HFM1: variants seen among roughly 807,000 people sequenced by gnomAD.
HFM1 encodes helicase for meiosis 1.
HFM1 carries 169 observed loss-of-function variants against 192.1 expected under a neutral mutation model. That is an observed-to-expected ratio of 0.88 (90% CI 0.78 to 1.00). The LOEUF is 1.00. Among genes scored for constraint, HFM1 ranks in the 50% least tolerant of loss-of-function variants. The pLI is 0.00. For missense variants in HFM1, 1,661 were observed against 1,668.0 expected (o/e 1.00, Z 0.07); for synonymous variants, 525 against 537.8 (o/e 0.98, Z 0.33).
At chr1:91,387,008 TTA>T (rs924953492) in intron 4 of HFM1, among the ~76,000 whole-genome samples, 2 of 152,226 alleles carry the variant, frequency 1.3e-5, no homozygotes, top group African/African-American at 4.8e-5. Flanking sequence ...AGGAAACACT[TTA>T]TGACTGTACT....
At chr1:91,285,126 G>A (rs1667831049) in intron 30 of HFM1, among the ~76,000 whole-genome samples, 1 of 152,084 alleles carries the variant, frequency 6.6e-6, no homozygotes, top group Admixed American at 6.5e-5. Context: ...TGCCATGATT[G>A]TGAGGCCTCC....
chr1:91,296,458 C>A (rs1647583992), intron 30 of HFM1, among the ~76,000 whole-genome samples: 1 of 151,848 alleles, frequency 6.6e-6, no homozygotes, highest in South Asian at 2.1e-4. Flanking sequence ...AAGTAGGTTG[C>A]CCAATATGTT....
At chr1:91,307,399 C>T (rs1239652122) in intron 30 of HFM1, among the ~76,000 whole-genome samples, 2 of 151,982 alleles carry the variant, frequency 1.3e-5, no homozygotes, top group East Asian at 3.9e-4. Context: ...CCAGCATGTC[C>T]ATGTTTTCAT....
chr1:91,265,893 G>C (rs1665716134), intron 36 of HFM1, 124 bp downstream of exon 36: 1 of 1,285,334 alleles, frequency 7.8e-7, no homozygotes, highest in South Asian at 1.5e-5. Flanking sequence ...CTAAGATTAA[G>C]AGGGTTTAGG....
intron 36 of HFM1, among the ~76,000 whole-genome samples, chr1:91,265,037 A>T (rs913263056): frequency 6.6e-6 from 1 of 152,000 alleles, no homozygotes; most frequent in African/African-American, 2.4e-5. Flanking sequence ...TGTTCCCATC[A>T]CTTCTGCTGT....
chr1:91,275,585 C>A lies in HFM1; in HGVS notation c.3589-776G>T, dbSNP rs77538069. ...TCAGAATATCTACCTGAATGAGACC[C>A]CACTTTTCTCCCAGTTGCTAATGCC... On this transcript the variant is annotated intron_variant, in intron 32 of 38. Transcript: ENST00000370425. 1.5e-3 allele frequency among the ~76,000 whole-genome samples: 221 copies of A among 152,264 alleles called. 3 individuals are homozygous for A. In the East Asian group the frequency reaches 0.023, roughly 16 times the overall value.
At position 91,326,442 on chromosome 1, in the gene HFM1, A is replaced by G. The variant is rs1481532400; in HGVS notation, c.2336-1676T>C. ...TTCAGTGGAAACCTTACAGGCCATG[A>G]GAGAGTGGCAGGACATATTTAAAGT... is the stretch of plus-strand genomic sequence containing the variant. On this transcript the variant is annotated intron_variant, in intron 20 of 38. Transcript: ENST00000370425. Among the ~76,000 whole-genome samples the G allele has an allele frequency of 2.0e-5, 3 of 152,274 alleles. No individual in the cohort carries two copies. The East Asian group carries it at 5.8e-4, about 29-fold the overall frequency.
chr1:91,401,181 A>G, intron 1 of HFM1, 72 bp from the exon 2 acceptor site: 1 of 685,380 alleles, frequency 1.5e-6, no homozygotes, highest in Non-Finnish European at 2.4e-6. Context: ...TATAATCACT[A>G]ATTTTCCACA....
intron 30 of HFM1, among the ~76,000 whole-genome samples, chr1:91,296,224 T>G (rs1257088006): frequency 1.3e-5 from 2 of 152,182 alleles, no homozygotes; most frequent in African/African-American, 4.8e-5. Context: ...CAGACTGACA[T>G]ACAATTTTTT....
chr1:91,280,838 T>C (rs533718872), intron 30 of HFM1, among the ~76,000 whole-genome samples: 2 of 152,318 alleles, frequency 1.3e-5, no homozygotes, highest in South Asian at 2.1e-4. Context: ...TGCTTTGCCA[T>C]CTGTGTAAGT....
At chr1:91,403,742 A>ATAATTTGCGG (rs2102233180) in intron 1 of HFM1, among the ~76,000 whole-genome samples, 1 of 152,306 alleles carries the variant, frequency 6.6e-6, no homozygotes, top group Non-Finnish European at 1.5e-5. Context: ...TTGAGTCTAC[A>ATAATTTGCGG]TAATTTGCGG....
intron 31 of HFM1, 38 bp from the exon 32 acceptor site, chr1:91,276,781 C>A: frequency 1.9e-6 from 2 of 1,029,272 alleles, no homozygotes; most frequent in South Asian, 1.7e-5. Flanking sequence ...GGTTAAACTT[C>A]AGATCTTATT....
At chr1:91,295,048 T>G (rs1647308207) in intron 30 of HFM1, among the ~76,000 whole-genome samples, 1 of 152,200 alleles carries the variant, frequency 6.6e-6, no homozygotes, top group African/African-American at 2.4e-5. Flanking sequence ...CTTTTTCACT[T>G]AAGTCCTTTT....
intron 13 of HFM1, among the ~76,000 whole-genome samples, chr1:91,359,719 C>T (rs1322631184): frequency 6.6e-6 from 1 of 152,142 alleles, no homozygotes; most frequent in Non-Finnish European, 1.5e-5. Context: ...TCCAGGAGAA[C>T]TTCCCCAACC....
intron 20 of HFM1, chr1:91,328,897 C>T: frequency 6.2e-7 from 1 of 1,610,982 alleles, no homozygotes; most frequent in Non-Finnish European, 8.5e-7. Context: ...CTGGCAAAGT[C>T]TATCCTGTGG....
chr1:91,348,757 A>G (rs1468232309), intron 18 of HFM1, among the ~76,000 whole-genome samples: 1 of 151,596 alleles, frequency 6.6e-6, no homozygotes, highest in Admixed American at 6.6e-5. Context: ...CTGCCTCTAC[A>G]ATTTTTTTTT....
At position 91,276,624 on chromosome 1, in the gene HFM1, T is replaced by C; in HGVS notation, c.3588+4A>G. On this transcript the variant is annotated splice_donor_region_variant and intron_variant, in intron 32 of 38. Coordinates refer to ENST00000370425, the MANE Select transcript of HFM1 (RefSeq NM_001017975.6). ...ACAATGGGAAAAATGTTATTAAAAC[T>C]AACCTTCAGACGTTTAACTGGAGGA... is the stretch of plus-strand genomic sequence containing the variant. 2 of 1,385,530 alleles carry C rather than the reference T, an allele frequency of 1.4e-6. No individual in the cohort carries two copies. Among genetic ancestry groups the C allele is most frequent in the African/African-American group, 2.9e-5 (2 of 68,002 alleles). 85.8% of individuals were successfully genotyped at this position (1,385,530 alleles called of 1,614,324 possible). A position where few individuals can be genotyped will look rare whatever the true frequency, so the allele number is the denominator to read the frequency against.
At chr1:91,394,718 T>C (rs1470068057) in intron 3 of HFM1, among the ~76,000 whole-genome samples, 1 of 152,102 alleles carries the variant, frequency 6.6e-6, no homozygotes, top group African/African-American at 2.4e-5. Context: ...AATTATACAA[T>C]TATGAAGATT....
chr1:91,348,863 G>A (rs1355581681), intron 18 of HFM1, among the ~76,000 whole-genome samples: 1 of 152,146 alleles, frequency 6.6e-6, no homozygotes, highest in African/African-American at 2.4e-5. Context: ...GGTTGAAGCT[G>A]CAGTAAGCTG....
Sources: gnomAD v4.1 joint callset for allele counts (sites outside exome capture counted in the v4.1 genomes callset) on GRCh38, gnomAD v4.1.1 for gene constraint, MANE v1.5 for transcripts, NCBI Gene and HGNC (gene_info 2026-07-23, HGNC 2026-07-21) for gene names.